The following LAMC1 variants were observed in gnomAD, a reference collection of about 807,000 sequenced individuals.
LAMC1 encodes the protein laminin subunit gamma 1.
A neutral mutation model predicts 173.6 loss-of-function variants in LAMC1; 38 were observed. That is an observed-to-expected ratio of 0.22 (90% CI 0.17 to 0.29). The LOEUF (loss-of-function observed/expected upper bound fraction) is 0.29. Among genes scored for constraint, LAMC1 ranks in the 10% least tolerant of loss-of-function variants. LAMC1 has a pLI of 1.00. For missense variants in LAMC1, 1,824 were observed against 2,051.8 expected, an observed-to-expected ratio of 0.89 and a Z score of 2.14; for synonymous variants, 746 against 749.1, an observed-to-expected ratio of 1.00 and a Z score of 0.07.
At chr1:183,050,728 C>T in intron 1 of LAMC1, among the ~76,000 whole-genome samples, 1 of 150,178 alleles carries the variant, frequency 6.7e-6, no homozygotes, top group Non-Finnish European at 1.5e-5. Context: ...CCCGTCTCTA[C>T]TAAAAATACA....
intron 1 of LAMC1, among the ~76,000 whole-genome samples, chr1:183,061,204 G>A (rs1244986666): frequency 1.3e-5 from 2 of 152,110 alleles, no homozygotes; most frequent in Admixed American, 6.6e-5. Flanking sequence ...GGTGTGCCAA[G>A]GTTCCCAGCC....
chr1:183,136,667 C>A, intron 25 of LAMC1, 82 bp downstream of exon 25: 1 of 1,226,182 alleles, frequency 8.2e-7, no homozygotes, highest in Non-Finnish European at 1.1e-6. Flanking sequence ...CCCTCAGAGC[C>A]CTTGCAGATT....
At chr1:183,132,925 T>C (rs549637302) in intron 21 of LAMC1, among the ~76,000 whole-genome samples, 2 of 152,350 alleles carry the variant, frequency 1.3e-5, no homozygotes, top group Non-Finnish European at 2.9e-5. Flanking sequence ...TTGTTGTTTT[T>C]GTGAGATGAA....
intron 1 of LAMC1, among the ~76,000 whole-genome samples, chr1:183,062,220 G>A (rs1363748784): frequency 1.3e-5 from 2 of 152,170 alleles, no homozygotes; most frequent in Non-Finnish European, 2.9e-5. Flanking sequence ...AAAGTTCAAA[G>A]TTTCAAAGAT....
chr1:183,093,874 C>G (rs1222421782), intron 1 of LAMC1, among the ~76,000 whole-genome samples: 1 of 152,150 alleles, frequency 6.6e-6, no homozygotes, highest in Non-Finnish European at 1.5e-5. Flanking sequence ...TATCTGTTAG[C>G]TGGATTGTTG....
chr1:183,092,419 G>A (rs1457240325), intron 1 of LAMC1, among the ~76,000 whole-genome samples: 7 of 119,630 alleles, frequency 5.9e-5, no homozygotes, highest in Non-Finnish European at 7.7e-5. Flanking sequence ...AGACCATAAA[G>A]TTTAAGAAGA....
chr1:183,116,507 C>G, intron 6 of LAMC1, 70 bp from the exon 7 acceptor site: 2 of 1,074,798 alleles, frequency 1.9e-6, no homozygotes, highest in Non-Finnish European at 2.7e-6. Context: ...ACATGTAAAA[C>G]AAAGGGCTGA....
rs1160087506 is a variant in LAMC1 at position 183,130,384 on chromosome 1, T to A, written c.3321T>A (p.Asn1107Lys). 1 of 1,614,010 alleles carries A rather than the reference T, an allele frequency of 6.2e-7. No individual in the cohort carries two copies. The highest frequency in any genetic ancestry group is 1.3e-5 in the African/African-American group (1 of 74,926). ...TGATGGATCGCCTACAGAGAGTGAATAACACTCTGTCCAGCCAAATTAGCC... is the reference window on the plus strand; with the variant it reads ...TGATGGATCGCCTACAGAGAGTGAAAAACACTCTGTCCAGCCAAATTAGCC... ...QNLMDRLQRV[N>K]NTLSSQISRL... The change falls in exon 19 of 28, where the codon AAT (asparagine) becomes AAA (lysine). Residue 1107 changes from asparagine (N) to lysine (K), a missense_variant. Coordinates refer to ENST00000258341, the MANE Select transcript of LAMC1 (RefSeq NM_002293.4).
chr1:183,134,545 T>C (rs973866331), intron 22 of LAMC1, 115 bp from the exon 23 acceptor site: 13 of 795,968 alleles, frequency 1.6e-5, no homozygotes, highest in Middle Eastern at 7.3e-4. Flanking sequence ...TCTTGATCTG[T>C]GCAGTTCTTT....
intron 1 of LAMC1, among the ~76,000 whole-genome samples, chr1:183,077,200 T>C (rs1655138057): frequency 6.6e-6 from 1 of 152,278 alleles, no homozygotes; most frequent in South Asian, 2.1e-4. Flanking sequence ...GGATGCTTGG[T>C]GAAAGTCTTA....
chr1:183,130,826 T>C (rs922604275), intron 19 of LAMC1, among the ~76,000 whole-genome samples: 1 of 152,166 alleles, frequency 6.6e-6, no homozygotes, highest in Admixed American at 6.5e-5. Flanking sequence ...TTACTGAAAA[T>C]AGAATCTGCA....
In LAMC1 at chr1:183,142,880, AC is replaced by A; in HGVS notation, c.*95del. The A allele has an allele frequency of 1.5e-6, 2 of 1,340,806 alleles. No individual in the cohort carries two copies. The highest frequency in any genetic ancestry group is 1.4e-5 in the South Asian group (1 of 70,406). The allele number at this position is 1,340,806 out of a possible 1,614,324, so 83.1% of individuals were successfully genotyped here. A position where few individuals can be genotyped will look rare whatever the true frequency, so the allele number is the denominator to read the frequency against. On this transcript the variant is annotated 3_prime_UTR_variant, in exon 28 of 28. Transcript: ENST00000258341. ...TTGACACAAAGATTACATTTTTCAG[AC>A]CCCCACTCCTCTGCTGCTGTCCATG...
chr1:183,087,305 A>G (rs1040711592), intron 1 of LAMC1, among the ~76,000 whole-genome samples: 5 of 152,300 alleles, frequency 3.3e-5, no homozygotes, highest in African/African-American at 9.6e-5. Context: ...TGCTTATTTT[A>G]CAAGTCAGAC....
At chr1:183,105,700 G>C (rs1655962088) in intron 2 of LAMC1, among the ~76,000 whole-genome samples, 1 of 152,142 alleles carries the variant, frequency 6.6e-6, no homozygotes, top group Non-Finnish European at 1.5e-5. Flanking sequence ...GCAGTAACAT[G>C]AGTTACGTGT....
At chr1:183,046,808 A>G (rs1160249915) in intron 1 of LAMC1, among the ~76,000 whole-genome samples, 3 of 152,124 alleles carry the variant, frequency 2.0e-5, no homozygotes, top group South Asian at 2.1e-4. Context: ...GTTGATTAGA[A>G]CAATATACAG....
intron 21 of LAMC1, 129 bp from the exon 22 acceptor site, chr1:183,133,277 G>C: frequency 1.3e-6 from 1 of 766,436 alleles, no homozygotes; most frequent in South Asian, 1.9e-5. Flanking sequence ...GTATTAAAAT[G>C]CAAGCATTTT....
intron 1 of LAMC1, among the ~76,000 whole-genome samples, chr1:183,032,801 T>C (rs1653879727): frequency 6.6e-6 from 1 of 152,210 alleles, no homozygotes; most frequent in Non-Finnish European, 1.5e-5. Flanking sequence ...AAGTTTCTGC[T>C]AACCAGAATG....
rs1010913068 is a variant in LAMC1, at chr1:183,115,462, G to A, written c.1211-58G>A. On this transcript the variant is annotated intron_variant, in intron 5 of 27. Transcript: ENST00000258341. The stretch of plus-strand genomic sequence containing the variant: ...ACCAGTTATCTTTCTTTAACACATT[G>A]ATTTTACTTACGTATCTGGCCGAAT... 5.7e-5 allele frequency: 61 copies of A among 1,062,648 alleles called. No homozygotes were observed. The Middle Eastern group carries it at 1.6e-3, about 28-fold the overall frequency. The allele number at this position is 1,062,648 out of a possible 1,614,324, so 65.8% of individuals were successfully genotyped here. A position where few individuals can be genotyped will look rare whatever the true frequency, so the allele number is the denominator to read the frequency against.
intron 1 of LAMC1, among the ~76,000 whole-genome samples, chr1:183,098,770 C>A (rs1410207173): frequency 1.3e-5 from 2 of 152,214 alleles, no homozygotes; most frequent in African/African-American, 4.8e-5. Context: ...CCTACAATGT[C>A]ACTTTGCATA....
Sources: allele counts gnomAD v4.1 joint callset (sites outside exome capture counted in the v4.1 genomes callset), GRCh38; gene constraint gnomAD v4.1.1; transcripts MANE v1.5; gene names NCBI Gene and HGNC (gene_info 2026-07-23, HGNC 2026-07-21).